Variants in UBR3 observed in about 807,000 individuals in gnomAD.
The protein encoded by UBR3 is ubiquitin protein ligase E3 component n-recognin 3.
In UBR3, 85 loss-of-function variants were observed where a neutral mutation model predicts 243.2. That is an observed-to-expected ratio of 0.35 (90% CI 0.29 to 0.42). The LOEUF (loss-of-function observed/expected upper bound fraction) is 0.42, where lower values mean the gene tolerates loss of function less well. Among genes scored for constraint, UBR3 ranks in the 10% least tolerant of loss-of-function variants. The pLI is 1.00. For synonymous variants in UBR3, 748 were observed against 799.8 expected, an observed-to-expected ratio of 0.94 and a Z score of 1.09; for missense variants, 1,686 against 2,300.8, an observed-to-expected ratio of 0.73 and a Z score of 5.47.
intron 2 of UBR3, among the ~76,000 whole-genome samples, chr2:169,874,659 C>T (rs2105311529): frequency 6.6e-6 from 1 of 152,134 alleles, no homozygotes; most frequent in Middle Eastern, 3.4e-3. Context: ...CCTTGAAAAC[C>T]AAGAGCAAAC....
chr2:169,896,838 T>A, intron 8 of UBR3, 103 bp downstream of exon 8: 17 of 752,562 alleles, frequency 2.3e-5, no homozygotes, highest in Non-Finnish European at 3.3e-5. Context: ...TAATGATACT[T>A]AGTATTATTA....
rs374627331 is a variant in UBR3 at position 169,944,033 on chromosome 2, A to C, written c.2805+1399A>C. Among the ~76,000 whole-genome samples the C allele has an allele frequency of 5.3e-5, 8 of 152,280 alleles. No homozygotes were observed. In the South Asian group the frequency reaches 1.0e-3, roughly 20 times the overall value. On this transcript the variant is annotated intron_variant, in intron 20 of 38. Transcript: ENST00000272793. ...GGGTGGTTTATTTTCATTAACTTCC[A>C]AGAGGGTTATTCAGTAATTGATTTA... is the stretch of plus-strand genomic sequence containing the variant.
chr2:169,861,221 ACTTCGTATC>A (rs530669134), intron 1 of UBR3, among the ~76,000 whole-genome samples: 1 of 152,308 alleles, frequency 6.6e-6, no homozygotes, highest in East Asian at 1.9e-4. Context: ...CAGGAACAAT[ACTTCGTATC>A]CAATCAAGTT....
intron 6 of UBR3, among the ~76,000 whole-genome samples, chr2:169,891,549 C>T (rs2084374869): frequency 6.6e-6 from 1 of 151,230 alleles, no homozygotes; most frequent in Non-Finnish European, 1.5e-5. Flanking sequence ...CTTTTATAAT[C>T]TGGGGTATGC....
intron 8 of UBR3, among the ~76,000 whole-genome samples, chr2:169,900,556 C>T (rs923099099): frequency 6.6e-6 from 1 of 152,056 alleles, no homozygotes. Flanking sequence ...TTTAGTCATG[C>T]AGTCTTTGCG....
At chr2:169,873,587 C>T (rs578085249) in intron 2 of UBR3, among the ~76,000 whole-genome samples, 3 of 152,008 alleles carry the variant, frequency 2.0e-5, no homozygotes, top group Middle Eastern at 6.8e-3. Context: ...GCAGGAGGAT[C>T]CCTTGAGCTC....
At chr2:169,887,027 C>T (rs2084127916) in intron 5 of UBR3, among the ~76,000 whole-genome samples, 1 of 151,620 alleles carries the variant, frequency 6.6e-6, no homozygotes, top group African/African-American at 2.4e-5. Flanking sequence ...ATGAAGCTCA[C>T]ATTTATGAAA....
rs1553538290 is a variant in UBR3 at position 170,035,910 on chromosome 2, TG to T, written c.4557-4962del. Among the ~76,000 whole-genome samples the T allele has an allele frequency of 9.2e-3, 1,106 of 120,442 alleles. 39 individuals are homozygous for T. Among genetic ancestry groups the T allele is most frequent in the African/African-American group, 0.031 (1,026 of 32,826 alleles). 79.0% of individuals were successfully genotyped at this position (120,442 alleles called of 152,430 possible). A position where few individuals can be genotyped will look rare whatever the true frequency, so the allele number is the denominator to read the frequency against. On this transcript the variant is annotated intron_variant, in intron 31 of 38. Transcript: ENST00000272793. ...CTAGATTTATACCTAAGTATTTTATTGGGGGGGGGGTTGCTAATTTAAATGA... is the reference window on the plus strand; with the variant it reads ...CTAGATTTATACCTAAGTATTTTATTGGGGGGGGGTTGCTAATTTAAATGA...
At chr2:169,882,939 C>T (rs1260953795) in intron 5 of UBR3, among the ~76,000 whole-genome samples, 1 of 152,088 alleles carries the variant, frequency 6.6e-6, no homozygotes, top group Non-Finnish European at 1.5e-5. Context: ...TGAATGCCGT[C>T]TAGTTAGTGG....
At chr2:169,946,570 A>G (rs1187560353) in intron 21 of UBR3, among the ~76,000 whole-genome samples, 178 bp downstream of exon 21, 1 of 152,114 alleles carries the variant, frequency 6.6e-6, no homozygotes, top group Non-Finnish European at 1.5e-5. Context: ...AGATCTTTTA[A>G]AGAACTACTA....
intron 11 of UBR3, among the ~76,000 whole-genome samples, chr2:169,921,375 G>A (rs767654036): frequency 7.8e-4 from 119 of 152,178 alleles, no homozygotes; most frequent in Non-Finnish European, 2.8e-4. Flanking sequence ...AGACTATAGA[G>A]TGAAGAATGG....
intron 7 of UBR3, among the ~76,000 whole-genome samples, chr2:169,895,670 T>C (rs994054556): frequency 2.0e-5 from 3 of 152,180 alleles, no homozygotes; most frequent in Admixed American, 2.0e-4. Context: ...GAATGTTTAA[T>C]GGGGGCAATT....
intron 10 of UBR3, 119 bp downstream of exon 10, chr2:169,906,283 T>G: frequency 8.5e-7 from 1 of 1,181,820 alleles, no homozygotes; most frequent in Non-Finnish European, 1.1e-6. Context: ...GAATTCAGCT[T>G]TATGAAAACT....
intron 29 of UBR3, among the ~76,000 whole-genome samples, chr2:170,013,243 T>C (rs1052852690): frequency 1.3e-5 from 2 of 152,140 alleles, no homozygotes; most frequent in African/African-American, 4.8e-5. Flanking sequence ...TTAGCATGTC[T>C]CAAAGGACCA....
intron 11 of UBR3, among the ~76,000 whole-genome samples, chr2:169,920,723 G>A (rs2085664596): frequency 6.6e-6 from 1 of 152,134 alleles, no homozygotes; most frequent in South Asian, 2.1e-4. Context: ...CTGAATCCTA[G>A]TTCAAATTTT....
chr2:169,841,412 C>T (rs2082282982), intron 1 of UBR3, among the ~76,000 whole-genome samples: 1 of 152,236 alleles, frequency 6.6e-6, no homozygotes, highest in African/African-American at 2.4e-5. Context: ...CCTCCCCTGC[C>T]TGGACTCCCA....
At chr2:169,855,438 G>A (rs1411065083) in intron 1 of UBR3, among the ~76,000 whole-genome samples, 1 of 151,992 alleles carries the variant, frequency 6.6e-6, no homozygotes, top group Non-Finnish European at 1.5e-5. Flanking sequence ...GTGGAGGGAA[G>A]GTCAGGAGAT....
chr2:170,000,993 A>G (rs374404544), intron 26 of UBR3, among the ~76,000 whole-genome samples: 4 of 152,340 alleles, frequency 2.6e-5, no homozygotes, highest in South Asian at 4.1e-4. Context: ...CAGCAACAGT[A>G]TAGTTCATAC....
intron 30 of UBR3, among the ~76,000 whole-genome samples, chr2:170,023,531 T>C (rs1426348631): frequency 1.3e-5 from 2 of 152,044 alleles, no homozygotes; most frequent in African/African-American, 2.4e-5. Flanking sequence ...TGCCTCAGCC[T>C]CCAAAGTAGC....
Sources: allele counts gnomAD v4.1 joint callset (sites outside exome capture counted in the v4.1 genomes callset), GRCh38; gene constraint gnomAD v4.1.1; transcripts MANE v1.5; gene names NCBI Gene and HGNC (gene_info 2026-07-23, HGNC 2026-07-21).